The following FMNL2 variants were observed in gnomAD, a reference collection of about 807,000 sequenced individuals.
FMNL2 encodes formin like 2.
FMNL2 carries 51 observed loss-of-function variants against 130.2 expected under a neutral mutation model. The ratio of observed to expected loss-of-function variants is 0.39; its 90% CI spans 0.31 to 0.49. FMNL2 has a LOEUF of 0.49. Ranked by LOEUF, FMNL2 falls within the 20% of genes least tolerant of loss-of-function variation. FMNL2 has a pLI of 0.85. For synonymous variants in FMNL2, 465 were observed against 467.1 expected, an observed-to-expected ratio of 1.00 and a Z score of 0.06; for missense variants, 977 against 1,316.2, an observed-to-expected ratio of 0.74 and a Z score of 3.99.
chr2:152,456,084 G>A (rs755328843), intron 1 of FMNL2, among the ~76,000 whole-genome samples: 13 of 152,186 alleles, frequency 8.5e-5, no homozygotes, highest in South Asian at 2.1e-4. Flanking sequence ...TAATGCATTT[G>A]AATATAAAGG....
At position 152,626,647 on chromosome 2, in the gene FMNL2, A is replaced by G; in HGVS notation, c.2085A>G (p.Glu695=). The G allele has an allele frequency of 3.1e-6, 5 of 1,613,284 alleles. No homozygotes were observed. In the Middle Eastern group the frequency reaches 8.2e-4, roughly 266 times the overall value. The part of the protein sequence containing the change: ...QKGSNKVTLL[E]ANRAKNLAIT... ...GATCAAACAAAGTGACATTACTAGAAGCAAACAGGGCCAAAAATCTTGCCA... is the reference window on the plus strand; with the variant it reads ...GATCAAACAAAGTGACATTACTAGAGGCAAACAGGGCCAAAAATCTTGCCA... The change falls in exon 17 of 26, where the codon GAA becomes GAG. Residue 695 remains glutamate (E), a synonymous_variant. Coordinates refer to ENST00000288670, the MANE Select transcript of FMNL2 (RefSeq NM_052905.4).
chr2:152,536,187 C>T (rs1415279482), intron 2 of FMNL2, among the ~76,000 whole-genome samples: 1 of 152,214 alleles, frequency 6.6e-6, no homozygotes, highest in Non-Finnish European at 1.5e-5. Context: ...TGTTCTTGGC[C>T]TCTTCCGTGT....
intron 9 of FMNL2, among the ~76,000 whole-genome samples, chr2:152,601,850 A>G (rs1698096977): frequency 6.6e-6 from 1 of 151,238 alleles, no homozygotes; most frequent in South Asian, 2.1e-4. Flanking sequence ...TTGTATTTCT[A>G]GTAGAAACGG....
intron 1 of FMNL2, among the ~76,000 whole-genome samples, chr2:152,358,618 CAG>C (rs35001257): frequency 0.055 from 8,139 of 149,072 alleles, 268 homozygotes; most frequent in Non-Finnish European, 0.076. Flanking sequence ...GCCTGGGTGA[CAG>C]AGCAAGACTG....
chr2:152,624,658 T>C (rs1026961479), intron 15 of FMNL2, among the ~76,000 whole-genome samples: 1 of 151,978 alleles, frequency 6.6e-6, no homozygotes, highest in Non-Finnish European at 1.5e-5. Flanking sequence ...GGGCAACATG[T>C]GAAACTCTGT....
intron 6 of FMNL2, among the ~76,000 whole-genome samples, chr2:152,574,254 G>C (rs925964089): frequency 6.6e-6 from 1 of 152,084 alleles, no homozygotes; most frequent in African/African-American, 2.4e-5. Flanking sequence ...TGGCCAACAT[G>C]GGGAAACTCC....
At chr2:152,623,626 T>TG (rs1171321302) in intron 15 of FMNL2, among the ~76,000 whole-genome samples, 2 of 152,052 alleles carry the variant, frequency 1.3e-5, no homozygotes, top group Non-Finnish European at 2.9e-5. Flanking sequence ...AGTCGTGTGT[T>TG]GCTTTTATTT....
chr2:152,337,053 T>TTAGC (rs1213283418), intron 1 of FMNL2, among the ~76,000 whole-genome samples: 5 of 152,130 alleles, frequency 3.3e-5, no homozygotes, highest in African/African-American at 1.2e-4. Context: ...GGATGGCAGG[T>TTAGC]TAGCTGTGTG....
rs111933345 is a variant in FMNL2, at chr2:152,351,455, G to A, written c.117+15735G>A. On this transcript the variant is annotated intron_variant, in intron 1 of 25. Coordinates refer to ENST00000288670, the MANE Select transcript of FMNL2 (RefSeq NM_052905.4). ...TTATGAGTGAGAACTTGTGGCATTT[G>A]GTTTTCTGTTCCTGTGTTAGTTTGC... 7.1e-3 allele frequency among the ~76,000 whole-genome samples: 1,080 copies of A among 152,242 alleles called. 16 individuals carry two copies. Among genetic ancestry groups the A allele is most frequent in the African/African-American group, 0.025 (1,018 of 41,532 alleles).
chr2:152,470,828 G>A (rs1292860191), intron 1 of FMNL2, among the ~76,000 whole-genome samples: 2 of 152,184 alleles, frequency 1.3e-5, no homozygotes, highest in Admixed American at 6.5e-5. Context: ...AGCTCAGTTA[G>A]CCAATTTAAC....
intron 1 of FMNL2, among the ~76,000 whole-genome samples, chr2:152,413,417 A>G (rs1183382794): frequency 6.6e-6 from 1 of 152,202 alleles, no homozygotes; most frequent in Non-Finnish European, 1.5e-5. Context: ...GTCTTTATCC[A>G]TGAAACACTC....
chr2:152,419,453 CAGAA>C lies in FMNL2; in HGVS notation c.117+83737_117+83740del, dbSNP rs536233653. ...CATGCTAAGTGAAGTAAGCGAAACA[CAGAA>C]AGACACCACATGTTCTTACATATGT... On this transcript the variant is annotated intron_variant, in intron 1 of 25. Coordinates refer to ENST00000288670, the MANE Select transcript of FMNL2 (RefSeq NM_052905.4). Among the ~76,000 whole-genome samples the C allele has an allele frequency of 2.0e-3, 311 of 152,142 alleles. 1 individual carries two copies. Among genetic ancestry groups the C allele is most frequent in the African/African-American group, 7.3e-3 (303 of 41,498 alleles).
At chr2:152,626,434 T>G (rs1485762806) in intron 16 of FMNL2, 91 bp from the exon 17 acceptor site, 4 of 1,049,524 alleles carry the variant, frequency 3.8e-6, no homozygotes, top group Admixed American at 2.7e-5. Flanking sequence ...ATAGAAAAAG[T>G]GACGTTTTTG....
At chr2:152,390,498 G>A (rs1243702138) in intron 1 of FMNL2, 48 of 1,545,036 alleles carry the variant, frequency 3.1e-5, no homozygotes, top group Non-Finnish European at 4.3e-5. Flanking sequence ...TCGCAGCATG[G>A]TGGAAAAGAT....
chr2:152,467,859 T>C (rs1294565872), intron 1 of FMNL2, among the ~76,000 whole-genome samples: 1 of 152,232 alleles, frequency 6.6e-6, no homozygotes, highest in African/African-American at 2.4e-5. Flanking sequence ...CTAAGCTATG[T>C]GTGTTTTAGC....
rs73971904 is a variant in FMNL2 at position 152,596,755 on chromosome 2, T to C, written c.877-10584T>C. ...TAGTCACTTCTGCTGTTGTTTTTGTTGAAGTAGATGAAGAAAATTTAGCCT... is the reference window on the plus strand; with the variant it reads ...TAGTCACTTCTGCTGTTGTTTTTGTCGAAGTAGATGAAGAAAATTTAGCCT... On this transcript the variant is annotated intron_variant, in intron 9 of 25. Coordinates refer to ENST00000288670, the MANE Select transcript of FMNL2 (RefSeq NM_052905.4). Among the ~76,000 whole-genome samples the C allele has an allele frequency of 6.4e-3, 970 of 152,332 alleles. 9 individuals are homozygous for C. Among genetic ancestry groups the C allele is most frequent in the African/African-American group, 0.022 (922 of 41,576 alleles).
intron 3 of FMNL2, among the ~76,000 whole-genome samples, chr2:152,543,470 C>T (rs952937150): frequency 5.3e-5 from 8 of 152,164 alleles, no homozygotes; most frequent in African/African-American, 1.7e-4. Context: ...CAGAGCTGTC[C>T]TTGCTCAAGA....
intron 1 of FMNL2, among the ~76,000 whole-genome samples, chr2:152,479,641 G>C (rs1304786065): frequency 6.6e-6 from 1 of 150,802 alleles, no homozygotes; most frequent in Non-Finnish European, 1.5e-5. Flanking sequence ...TAATTACTTG[G>C]AAAGAAAAAG....
At chr2:152,535,276 C>T (rs2105461919) in intron 2 of FMNL2, among the ~76,000 whole-genome samples, 2 of 152,266 alleles carry the variant, frequency 1.3e-5, no homozygotes, top group South Asian at 4.2e-4. Context: ...TTCCCATGTT[C>T]CTGATCTGGA....
Sources: allele counts gnomAD v4.1 joint callset (sites outside exome capture counted in the v4.1 genomes callset), GRCh38; gene constraint gnomAD v4.1.1; transcripts MANE v1.5; gene names NCBI Gene and HGNC (gene_info 2026-07-23, HGNC 2026-07-21).